Variants in ST6GALNAC5 observed in about 807,000 individuals in gnomAD.
ST6GALNAC5 encodes the protein alpha-N-acetylgalactosaminide alpha-2,6-sialyltransferase 5.
ST6GALNAC5 carries 27 observed loss-of-function variants against 33.6 expected under a neutral mutation model. The ratio of observed to expected loss-of-function variants is 0.80; its 90% confidence interval spans 0.59 to 1.11. The LOEUF (loss-of-function observed/expected upper bound fraction) is 1.11, where lower values mean the gene tolerates loss of function less well. ST6GALNAC5 is among the 50% of genes least tolerant of loss of function. ST6GALNAC5 has a pLI of 0.00. For synonymous variants in ST6GALNAC5, 194 were observed against 171.2 expected (o/e 1.13, Z -1.04); for missense variants, 428 against 454.0 (o/e 0.94, Z 0.52).
Position 77,013,700 on chromosome 1 carries a change from T to C in ST6GALNAC5, c.262-30504T>C, listed in dbSNP as rs149607237. ...GCTATTGATCCCTGAGAGACTATTA[T>C]ATTTATTTGCATTGACACGGGGGCT... is the stretch of plus-strand genomic sequence containing the variant. On this transcript the variant is annotated intron_variant, in intron 2 of 4. Coordinates refer to ENST00000477717, the MANE Select transcript of ST6GALNAC5 (RefSeq NM_030965.3). Among the ~76,000 whole-genome samples the C allele has an allele frequency of 4.3e-3, 650 of 152,332 alleles. 5 individuals carry two copies. The highest frequency in any genetic ancestry group is 0.014 in the African/African-American group (585 of 41,578).
intron 2 of ST6GALNAC5, among the ~76,000 whole-genome samples, chr1:77,029,920 T>G (rs1651390026): frequency 6.6e-6 from 1 of 152,244 alleles, no homozygotes; most frequent in South Asian, 2.1e-4. Flanking sequence ...CTTGATGACT[T>G]AGGATCACCA....
At chr1:76,962,090 A>AC (rs1309681477) in intron 2 of ST6GALNAC5, among the ~76,000 whole-genome samples, 1 of 152,126 alleles carries the variant, frequency 6.6e-6, no homozygotes, top group Non-Finnish European at 1.5e-5. Flanking sequence ...CAGTTGGCTG[A>AC]TTTTTTTTAA....
At chr1:76,888,977 A>G (rs955129654) in intron 2 of ST6GALNAC5, among the ~76,000 whole-genome samples, 15 of 152,116 alleles carry the variant, frequency 9.9e-5, no homozygotes, top group African/African-American at 2.9e-4. Flanking sequence ...GTGATTAACT[A>G]TAATCACTGT....
At chr1:77,045,628 A>G (rs1216870473) in intron 3 of ST6GALNAC5, among the ~76,000 whole-genome samples, 1 of 152,214 alleles carries the variant, frequency 6.6e-6, no homozygotes, top group African/African-American at 2.4e-5. Flanking sequence ...ACATAAGCTG[A>G]GACCCAGGGC....
chr1:76,907,041 T>C (rs1259833693), intron 2 of ST6GALNAC5, among the ~76,000 whole-genome samples: 1 of 152,090 alleles, frequency 6.6e-6, no homozygotes, highest in Non-Finnish European at 1.5e-5. Flanking sequence ...ATCCACTCAC[T>C]TTCAGCAACC....
chr1:76,936,205 T>C (rs1647201508), intron 2 of ST6GALNAC5, among the ~76,000 whole-genome samples: 1 of 152,080 alleles, frequency 6.6e-6, no homozygotes, highest in East Asian at 1.9e-4. Flanking sequence ...ATTATTTCCT[T>C]CTTCAAATTG....
Position 77,063,104 on chromosome 1 carries a change from C to G in ST6GALNAC5, c.909C>G (p.Val303=). The change falls in exon 5 of 5, where the codon GTC becomes GTG. Residue 303 remains valine, a synonymous_variant. Transcript: ENST00000477717. ...SHHRFITEKR[V]FKNWARTFNI... ...ACCGCTTTATCACAGAGAAACGAGT[C>G]TTTAAGAACTGGGCACGGACATTCA... 1 of 1,613,904 alleles carries G rather than the reference C, an allele frequency of 6.2e-7. No homozygotes were observed. The highest frequency in any genetic ancestry group is 8.5e-7 in the Non-Finnish European group (1 of 1,179,884).
chr1:76,973,619 A>G (rs1198869335), intron 2 of ST6GALNAC5, among the ~76,000 whole-genome samples: 1 of 152,144 alleles, frequency 6.6e-6, no homozygotes, highest in African/African-American at 2.4e-5. Context: ...AAAATTAACT[A>G]TCACACACCC....
At chr1:76,947,025 T>G (rs1474669196) in intron 2 of ST6GALNAC5, among the ~76,000 whole-genome samples, 2 of 152,112 alleles carry the variant, frequency 1.3e-5, no homozygotes, top group Non-Finnish European at 1.5e-5. Context: ...ATAGTTCTAA[T>G]CTGGGTGGGT....
intron 2 of ST6GALNAC5, among the ~76,000 whole-genome samples, chr1:77,027,827 AG>A (rs1156287568): frequency 1.3e-5 from 2 of 152,224 alleles, no homozygotes; most frequent in Non-Finnish European, 2.9e-5. Context: ...ATTTAATACC[AG>A]ATATCATTTA....
At chr1:77,024,342 C>T (rs1210340028) in intron 2 of ST6GALNAC5, among the ~76,000 whole-genome samples, 1 of 152,132 alleles carries the variant, frequency 6.6e-6, no homozygotes, top group East Asian at 1.9e-4. Context: ...CTAAGGTGGT[C>T]CTTGGAAAGA....
intron 2 of ST6GALNAC5, among the ~76,000 whole-genome samples, chr1:77,023,443 C>T (rs1350249836): frequency 1.1e-4 from 16 of 152,142 alleles, no homozygotes; most frequent in Non-Finnish European, 1.6e-4. Flanking sequence ...GACTGGAACC[C>T]GGTAAGCACC....
intron 2 of ST6GALNAC5, among the ~76,000 whole-genome samples, chr1:76,902,393 C>T (rs1184940136): frequency 6.6e-6 from 1 of 151,978 alleles, no homozygotes; most frequent in African/African-American, 2.4e-5. Context: ...AGAAAAACAG[C>T]CCATGTTCAT....
rs1209868950 is a variant in ST6GALNAC5, at chr1:76,910,279, A to G, written c.261+41537A>G. On this transcript the variant is annotated intron_variant, in intron 2 of 4. Coordinates refer to ENST00000477717, the MANE Select transcript of ST6GALNAC5 (RefSeq NM_030965.3). ...TCTGTAATTATTGTAATTGCATCTT[A>G]TTATATAATTTGCGTAAATATATGC... Among the ~76,000 whole-genome samples, 3 of 152,008 alleles carry G rather than the reference A, an allele frequency of 2.0e-5. No individual in the cohort carries two copies. The East Asian group carries it at 5.8e-4, about 29-fold the overall frequency.
At chr1:76,920,944 G>A (rs924525244) in intron 2 of ST6GALNAC5, among the ~76,000 whole-genome samples, 5 of 152,256 alleles carry the variant, frequency 3.3e-5, no homozygotes, top group African/African-American at 7.2e-5. Context: ...CTTAAGGTAC[G>A]GTCATGAGAA....
chr1:77,031,348 T>C (rs754704757), intron 2 of ST6GALNAC5, among the ~76,000 whole-genome samples: 9 of 152,238 alleles, frequency 5.9e-5, no homozygotes, highest in Non-Finnish European at 1.0e-4. Context: ...GCTGAGTTGT[T>C]ATCCAGGCAG....
At chr1:77,018,947 CAG>C (rs1235125653) in intron 2 of ST6GALNAC5, among the ~76,000 whole-genome samples, 5 of 152,206 alleles carry the variant, frequency 3.3e-5, no homozygotes, top group African/African-American at 7.2e-5. Context: ...GAGTCAGAGA[CAG>C]GGGCTGAGAA....
chr1:77,003,437 C>G (rs1650257829), intron 2 of ST6GALNAC5, among the ~76,000 whole-genome samples: 1 of 150,220 alleles, frequency 6.7e-6, no homozygotes, highest in Non-Finnish European at 1.5e-5. Context: ...GCTCTTGACT[C>G]TTTATCCAAT....
intron 2 of ST6GALNAC5, among the ~76,000 whole-genome samples, chr1:76,975,836 T>C (rs1438888042): frequency 6.6e-6 from 1 of 152,196 alleles, no homozygotes; most frequent in Non-Finnish European, 1.5e-5. Context: ...GGCTCACGCC[T>C]ATAATCCCAG....
Sources: allele counts gnomAD v4.1 joint callset (sites outside exome capture counted in the v4.1 genomes callset), GRCh38; gene constraint gnomAD v4.1.1; transcripts MANE v1.5; gene names NCBI Gene and HGNC (gene_info 2026-07-23, HGNC 2026-07-21).